JAZF1: variants seen among roughly 807,000 people sequenced by gnomAD.
The protein encoded by JAZF1 is juxtaposed with another zinc finger protein 1.
A neutral mutation model predicts 26.4 loss-of-function variants in JAZF1; 8 were observed. That is an observed-to-expected ratio of 0.30 (90% CI 0.18 to 0.55). The LOEUF (loss-of-function observed/expected upper bound fraction) is 0.55. Among genes scored for constraint, JAZF1 ranks in the 20% least tolerant of loss-of-function variants. JAZF1 has a pLI of 0.94. For missense variants in JAZF1, 199 were observed against 322.0 expected, an observed-to-expected ratio of 0.62 and a Z score of 2.92; for synonymous variants, 126 against 122.3, an observed-to-expected ratio of 1.03 and a Z score of -0.20.
intron 1 of JAZF1, among the ~76,000 whole-genome samples, chr7:28,094,492 C>A (rs1231157768): frequency 6.6e-6 from 1 of 152,198 alleles, no homozygotes; most frequent in East Asian, 1.9e-4. Flanking sequence ...CTTGGCCTGG[C>A]CTGGGTTTCT....
At chr7:28,126,697 G>A (rs931005006) in intron 1 of JAZF1, among the ~76,000 whole-genome samples, 4 of 152,166 alleles carry the variant, frequency 2.6e-5, no homozygotes, top group South Asian at 2.1e-4. Context: ...CCCACCTTAC[G>A]GTGTTTCAGG....
At chr7:28,166,084 G>A (rs926418066) in intron 1 of JAZF1, among the ~76,000 whole-genome samples, 2 of 151,592 alleles carry the variant, frequency 1.3e-5, no homozygotes, top group South Asian at 2.1e-4. Flanking sequence ...GAAGGGAGAA[G>A]GAAAATTAAC....
intron 1 of JAZF1, among the ~76,000 whole-genome samples, chr7:28,137,668 C>G (rs929202568): frequency 1.3e-5 from 2 of 152,134 alleles, no homozygotes; most frequent in African/African-American, 4.8e-5. Flanking sequence ...GATGCCTCCC[C>G]CTCTCCACAG....
chr7:27,924,897 C>T (rs187071435), intron 2 of JAZF1, among the ~76,000 whole-genome samples: 3 of 152,374 alleles, frequency 2.0e-5, no homozygotes, highest in Non-Finnish European at 2.9e-5. Flanking sequence ...TGGAACACAA[C>T]ATGACATCCA....
chr7:28,027,095 G>A (rs1463008309), intron 1 of JAZF1, among the ~76,000 whole-genome samples: 1 of 152,224 alleles, frequency 6.6e-6, no homozygotes, highest in Admixed American at 6.5e-5. Context: ...CAGCTGAGCT[G>A]GCTTGTCAGG....
At chr7:27,943,583 C>T (rs1221942556) in intron 2 of JAZF1, among the ~76,000 whole-genome samples, 2 of 152,190 alleles carry the variant, frequency 1.3e-5, no homozygotes, top group African/African-American at 2.4e-5. Flanking sequence ...TCCTTCCCCT[C>T]GATATGATGC....
At chr7:28,127,973 A>C (rs1782724365) in intron 1 of JAZF1, among the ~76,000 whole-genome samples, 1 of 152,052 alleles carries the variant, frequency 6.6e-6, no homozygotes, top group South Asian at 2.1e-4. Context: ...GGATTATGGG[A>C]ACTACAATTC....
intron 2 of JAZF1, 105 bp from the exon 3 acceptor site, chr7:27,895,521 G>C (rs1784047647): frequency 1.4e-6 from 1 of 713,836 alleles, no homozygotes; most frequent in Admixed American, 3.5e-5. Flanking sequence ...AAAGGACCTT[G>C]GCCACAGGTC....
chr7:27,880,725 T>C (rs940876237), intron 3 of JAZF1, among the ~76,000 whole-genome samples: 8 of 152,122 alleles, frequency 5.3e-5, no homozygotes, highest in African/African-American at 1.7e-4. Context: ...AGTGCAGTGG[T>C]GCAATCTAGG....
At chr7:28,178,248 T>A (rs1783576958) in intron 1 of JAZF1, among the ~76,000 whole-genome samples, 1 of 152,074 alleles carries the variant, frequency 6.6e-6, no homozygotes, top group African/African-American at 2.4e-5. Context: ...TTAAGACAAT[T>A]TCTACACTTA....
intron 2 of JAZF1, among the ~76,000 whole-genome samples, chr7:27,937,233 C>T (rs1385364767): frequency 6.6e-6 from 1 of 152,194 alleles, no homozygotes; most frequent in Non-Finnish European, 1.5e-5. Flanking sequence ...CAAGCAAGCA[C>T]ATAGGCTTAA....
At chr7:27,938,695 A>G (rs1346805503) in intron 2 of JAZF1, among the ~76,000 whole-genome samples, 2 of 152,060 alleles carry the variant, frequency 1.3e-5, no homozygotes, top group Non-Finnish European at 2.9e-5. Flanking sequence ...TTTTTGAGAT[A>G]CGGTCTGGCT....
intron 1 of JAZF1, among the ~76,000 whole-genome samples, chr7:27,993,347 A>G (rs1647455519): frequency 6.6e-6 from 1 of 152,170 alleles, no homozygotes. Flanking sequence ...CTCAGTACAC[A>G]TGCAACTGAG....
chr7:27,905,450 G>C (rs1412034172), intron 2 of JAZF1, among the ~76,000 whole-genome samples: 1 of 149,674 alleles, frequency 6.7e-6, no homozygotes, highest in African/African-American at 2.5e-5. Flanking sequence ...TTTTTTTTGT[G>C]GGGGAGAGGG....
chr7:28,036,332 C>T (rs973789686), intron 1 of JAZF1, among the ~76,000 whole-genome samples: 1 of 152,180 alleles, frequency 6.6e-6, no homozygotes, highest in African/African-American at 2.4e-5. Flanking sequence ...AAACTAAAAC[C>T]TATCTGACTT....
chr7:27,940,935 T>G (rs986302864), intron 2 of JAZF1, among the ~76,000 whole-genome samples: 1 of 152,254 alleles, frequency 6.6e-6, no homozygotes, highest in Non-Finnish European at 1.5e-5. Flanking sequence ...TATAGTGGCC[T>G]GAAATGACTT....
intron 1 of JAZF1, among the ~76,000 whole-genome samples, chr7:28,075,552 T>C (rs1159626710): frequency 6.6e-6 from 1 of 152,244 alleles, no homozygotes. Flanking sequence ...TGTCTACCTA[T>C]AAATGTATAT....
At chr7:27,943,498 C>A (rs1352819059) in intron 2 of JAZF1, among the ~76,000 whole-genome samples, 1 of 152,198 alleles carries the variant, frequency 6.6e-6, no homozygotes, top group Non-Finnish European at 1.5e-5. Context: ...TCTGAAATAA[C>A]GTGCTCCCTC....
chr7:27,920,734 C>T (rs1397737844), intron 2 of JAZF1, among the ~76,000 whole-genome samples: 2 of 152,126 alleles, frequency 1.3e-5, no homozygotes, highest in Non-Finnish European at 2.9e-5. Context: ...CCACTTCCGC[C>T]GACAACAGAG....
Sources: gnomAD v4.1 joint callset for allele counts (sites outside exome capture counted in the v4.1 genomes callset) on GRCh38, gnomAD v4.1.1 for gene constraint, MANE v1.5 for transcripts, NCBI Gene and HGNC (gene_info 2026-07-23, HGNC 2026-07-21) for gene names.